NLRP14: variants seen among roughly 807,000 people sequenced by gnomAD.
The protein encoded by NLRP14 is NLR family pyrin domain containing 14.
A neutral mutation model predicts 94.7 loss-of-function variants in NLRP14; 105 were observed. That is an observed-to-expected ratio of 1.11 (90% CI 0.95 to 1.30). The LOEUF (loss-of-function observed/expected upper bound fraction) is 1.30. NLRP14 is among the 50% of genes most tolerant of loss of function. NLRP14 has a pLI of 0.00. For synonymous variants in NLRP14, 508 were observed against 459.9 expected, an observed-to-expected ratio of 1.10 and a Z score of -1.34; for missense variants, 1,362 against 1,254.1, an observed-to-expected ratio of 1.09 and a Z score of -1.30.
chr11:7,048,499 A>T (rs1278851653), intron 5 of NLRP14, among the ~76,000 whole-genome samples: 1 of 152,070 alleles, frequency 6.6e-6, no homozygotes, highest in Non-Finnish European at 1.5e-5. Flanking sequence ...AGCACTGAAA[A>T]TAGATGTTCT....
At chr11:7,062,607 G>A (rs1852642223) in intron 10 of NLRP14, 104 bp downstream of exon 10, 1 of 972,306 alleles carries the variant, frequency 1.0e-6, no homozygotes, top group African/African-American at 1.6e-5. Context: ...AATGGGGCTA[G>A]AAGGTAAGTT....
chr11:7,058,180 A>C, intron 7 of NLRP14, 100 bp from the exon 8 acceptor site: 1 of 932,286 alleles, frequency 1.1e-6, no homozygotes, highest in Admixed American at 1.7e-5. Context: ...TTTATAGTTG[A>C]GGTATGGGGG....
intron 10 of NLRP14, among the ~76,000 whole-genome samples, chr11:7,069,919 G>T (rs1852766154): frequency 6.6e-6 from 1 of 152,120 alleles, no homozygotes; most frequent in Non-Finnish European, 1.5e-5. Flanking sequence ...GAGCCACCAT[G>T]CCTGGCCTAT....
At chr11:7,068,579 G>T (rs1010754758) in intron 10 of NLRP14, among the ~76,000 whole-genome samples, 1 of 152,246 alleles carries the variant, frequency 6.6e-6, no homozygotes, top group African/African-American at 2.4e-5. Context: ...CATGAGTACA[G>T]TTCTTTGAAG....
At chr11:7,035,974 G>T (rs1852155043) in intron 1 of NLRP14, among the ~76,000 whole-genome samples, 1 of 152,138 alleles carries the variant, frequency 6.6e-6, no homozygotes, top group African/African-American at 2.4e-5. Context: ...TATGACCTGG[G>T]CAAGTTTCTT....
Position 7,038,618 on chromosome 11 carries a change from C to T in NLRP14, c.32C>T (p.Pro11Leu), listed in dbSNP as rs1325053389. The change falls in exon 2 of 12, where the codon CCT (proline) becomes CTT (leucine). Residue 11 changes from proline (P) to leucine (L), a missense_variant. By Grantham distance (98) the Pro-to-Leu change is moderately conservative (BLOSUM62 -3). Coordinates refer to ENST00000299481, the MANE Select transcript of NLRP14 (RefSeq NM_176822.4). MADSSSSSFF[P>L]DFGLLLYLEE... ...GATTCATCATCATCTTCTTTCTTTC[C>T]TGATTTTGGGCTGCTATTGTATTTG... The T allele has an allele frequency of 6.2e-7, 1 of 1,613,874 alleles. No individual in the cohort carries two copies. Among genetic ancestry groups the T allele is most frequent in the Non-Finnish European group, 8.5e-7 (1 of 1,179,970 alleles).
At chr11:7,057,921 G>T in intron 7 of NLRP14, 74 bp downstream of exon 7, 1 of 1,259,012 alleles carries the variant, frequency 7.9e-7, no homozygotes, top group Non-Finnish European at 1.2e-6. Context: ...ATCTGATAGG[G>T]AAACTTCTTG....
chr11:7,056,954 G>A (rs1852524900), intron 6 of NLRP14, among the ~76,000 whole-genome samples: 1 of 151,888 alleles, frequency 6.6e-6, no homozygotes, highest in Non-Finnish European at 1.5e-5. Context: ...CCCTGATTTT[G>A]ATGACGAGAA....
chr11:7,073,514 C>A (rs1204603990), downstream of NLRP14, among the ~76,000 whole-genome samples: 1 of 152,066 alleles, frequency 6.6e-6, no homozygotes, highest in Non-Finnish European at 1.5e-5. Context: ...AGCATTGTAT[C>A]CCACAGGTGA....
chr11:7,026,416 C>T (rs1040290816), intron 1 of NLRP14, among the ~76,000 whole-genome samples: 6 of 152,220 alleles, frequency 3.9e-5, no homozygotes, highest in Non-Finnish European at 5.9e-5. Context: ...TGCTCATCAT[C>T]ACTGGCCATC....
the NLRP14 span, among the ~76,000 whole-genome samples, chr11:7,079,122 G>T: frequency 6.6e-6 from 1 of 152,232 alleles, no homozygotes; most frequent in Admixed American, 6.5e-5. Flanking sequence ...ACATAGCCCT[G>T]TGCAGATTTT....
chr11:7,090,049 A>T, the NLRP14 span: 1 of 1,613,092 alleles, frequency 6.2e-7, no homozygotes, highest in East Asian at 2.2e-5. Context: ...CGCTACGAGG[A>T]GTACCGGGGC....
In NLRP14 at chr11:7,057,596, C is replaced by G. The variant is rs1256013425; in HGVS notation, c.2292-81C>G. 4 of 1,344,000 alleles carry G rather than the reference C, an allele frequency of 3.0e-6. No homozygotes were observed. In the African/African-American group the frequency reaches 5.7e-5, roughly 19 times the overall value. The allele number at this position is 1,344,000 out of a possible 1,614,324, so 83.3% of individuals were successfully genotyped here. On this transcript the variant is annotated intron_variant, in intron 6 of 11. Transcript: ENST00000299481. ...CAAGATTCCAAAGATTAGGAAACTT[C>G]CTACCTTTGGGATCGGTAGGTGTTG...
intron 6 of NLRP14, among the ~76,000 whole-genome samples, chr11:7,055,643 T>C (rs1333655370): frequency 6.6e-6 from 1 of 152,046 alleles, no homozygotes; most frequent in African/African-American, 2.4e-5. Context: ...GCTCAACTCA[T>C]AAAGAAAGCT....
intron 4 of NLRP14, 109 bp downstream of exon 4, chr11:7,044,093 T>C: frequency 9.4e-7 from 1 of 1,067,190 alleles, no homozygotes; most frequent in South Asian, 1.3e-5. Flanking sequence ...GATAACCCTC[T>C]GGAGTTGTCC....
At chr11:7,046,969 G>A (rs1410240370) in intron 5 of NLRP14, 137 bp downstream of exon 5, 1 of 733,850 alleles carries the variant, frequency 1.4e-6, no homozygotes, top group Non-Finnish European at 2.4e-6. Context: ...AGGAACAATG[G>A]AATCCTCTGG....
the NLRP14 span, chr11:7,088,976 G>C: frequency 1.1e-6 from 1 of 936,992 alleles, no homozygotes; most frequent in South Asian, 1.6e-5. Flanking sequence ...GCCCTGCAGC[G>C]GGGCTCCGGC....
At chr11:7,046,964 C>A in intron 5 of NLRP14, 132 bp downstream of exon 5, 1 of 749,624 alleles carries the variant, frequency 1.3e-6, no homozygotes, top group Non-Finnish European at 2.4e-6. Flanking sequence ...TAAACAGGAA[C>A]AATGGAATCC....
chr11:7,055,712 C>T (rs758295082), intron 6 of NLRP14, among the ~76,000 whole-genome samples: 6 of 152,122 alleles, frequency 3.9e-5, no homozygotes, highest in Non-Finnish European at 8.8e-5. Context: ...AGAGCTTATT[C>T]TAGGTAGATG....
Sources: allele counts gnomAD v4.1 joint callset (sites outside exome capture counted in the v4.1 genomes callset), GRCh38; gene constraint gnomAD v4.1.1; transcripts MANE v1.5; gene names NCBI Gene and HGNC (gene_info 2026-07-23, HGNC 2026-07-21).